The following USP7 variants were observed in gnomAD, a reference collection of about 807,000 sequenced individuals.
USP7 encodes ubiquitin C-terminal hydrolase 7.
Under a neutral mutation model 162.9 loss-of-function variants are expected in USP7, and 9 were observed. The observed-to-expected ratio is 0.06, with a 90% CI of 0.03 to 0.10. The LOEUF (loss-of-function observed/expected upper bound fraction) is 0.10. Ranked by LOEUF, USP7 falls within the 10% of genes least tolerant of loss-of-function variation. USP7 has a pLI of 1.00. For missense variants in USP7, 715 were observed against 1,373.7 expected, an observed-to-expected ratio of 0.52 and a Z score of 7.58; for synonymous variants, 562 against 475.9, an observed-to-expected ratio of 1.18 and a Z score of -2.35.
chr16:8,943,031 T>A (rs551821368), intron 1 of USP7, among the ~76,000 whole-genome samples: 1 of 152,150 alleles, frequency 6.6e-6, no homozygotes, highest in Non-Finnish European at 1.5e-5. Flanking sequence ...GGAGCCTGAG[T>A]GTTCAAAGTG....
rs188091170 is a variant in USP7, at chr16:8,904,788, A to T, written c.1574-223T>A. On this transcript the variant is annotated intron_variant, in intron 14 of 30. Coordinates refer to ENST00000344836, the MANE Select transcript of USP7 (RefSeq NM_003470.3). The stretch of plus-strand genomic sequence containing the variant: ...AAACCCCATCTCTACTACTAAAAAA[A>T]AAAATAAAATAAAAATAAAATAAAA... Among the ~76,000 whole-genome samples the T allele has an allele frequency of 4.5e-3, 679 of 151,604 alleles. 5 individuals are homozygous for T. Among genetic ancestry groups the T allele is most frequent in the African/African-American group, 0.014 (586 of 41,426 alleles).
At chr16:8,956,776 CAA>C (rs375578803) in intron 1 of USP7, among the ~76,000 whole-genome samples, 4 of 147,654 alleles carry the variant, frequency 2.7e-5, no homozygotes, top group African/African-American at 7.6e-5. Flanking sequence ...AAAACAAAAA[CAA>C]AAAAAAAAAA....
chr16:8,899,574 C>G (rs747261595), intron 22 of USP7, 30 bp downstream of exon 22: 3 of 1,608,706 alleles, frequency 1.9e-6, no homozygotes, highest in African/African-American at 2.7e-5. Context: ...GGAGTGGGAT[C>G]TGAAGAGGAA....
intron 21 of USP7, 121 bp downstream of exon 21, chr16:8,900,409 A>G: frequency 1.6e-6 from 1 of 632,640 alleles, no homozygotes; most frequent in Non-Finnish European, 2.6e-6. Flanking sequence ...CAACAGTTAC[A>G]TTAAAAAAAA....
intron 1 of USP7, among the ~76,000 whole-genome samples, chr16:8,945,650 T>C (rs1899243952): frequency 6.6e-6 from 1 of 152,118 alleles, no homozygotes; most frequent in Admixed American, 6.6e-5. Context: ...AATCCATACA[T>C]TTAAACACAG....
chr16:8,933,171 C>G (rs997939021), intron 1 of USP7, among the ~76,000 whole-genome samples: 3 of 152,116 alleles, frequency 2.0e-5, no homozygotes, highest in Non-Finnish European at 4.4e-5. Flanking sequence ...AACTCCTGAC[C>G]TCAAGTGATC....
At chr16:8,942,134 G>A (rs1899073089) in intron 1 of USP7, among the ~76,000 whole-genome samples, 1 of 152,346 alleles carries the variant, frequency 6.6e-6, no homozygotes, top group South Asian at 2.1e-4. Flanking sequence ...AGGTGGGCAG[G>A]GCCAAAGCTA....
chr16:8,962,482 A>G (rs1190477905), intron 1 of USP7: 1 of 450,764 alleles, frequency 2.2e-6, no homozygotes. Context: ...TTACCTTTCG[A>G]GTCAGGTTTG....
At chr16:8,906,318 A>T (rs2061859642) in intron 13 of USP7, 108 bp downstream of exon 13, 1 of 1,284,628 alleles carries the variant, frequency 7.8e-7, no homozygotes, top group Admixed American at 2.4e-5. Flanking sequence ...TACATAGATC[A>T]GTTAGGGGTC....
In USP7 at chr16:8,911,530, C is replaced by A. The variant is rs141030462; in HGVS notation, c.1079-703G>T. 4.3e-3 allele frequency among the ~76,000 whole-genome samples: 658 copies of A among 152,348 alleles called. 6 individuals carry two copies. The highest frequency in any genetic ancestry group is 0.015 in the African/African-American group (619 of 41,574). On this transcript the variant is annotated intron_variant, in intron 10 of 30. Coordinates refer to ENST00000344836, the MANE Select transcript of USP7 (RefSeq NM_003470.3). ...ATGAAGGAAAAACGCAACTGCACAACACTGAAAACAGCGCTGTCACGCTCC... is the reference window on the plus strand; with the variant it reads ...ATGAAGGAAAAACGCAACTGCACAAAACTGAAAACAGCGCTGTCACGCTCC...
At chr16:8,942,816 G>C (rs768871695) in intron 1 of USP7, among the ~76,000 whole-genome samples, 1 of 152,144 alleles carries the variant, frequency 6.6e-6, no homozygotes, top group Non-Finnish European at 1.5e-5. Flanking sequence ...CAAAAGTGTT[G>C]GGGTTACAGA....
intron 15 of USP7, among the ~76,000 whole-genome samples, chr16:8,903,614 T>C (rs1567211765): frequency 6.6e-6 from 1 of 152,088 alleles, no homozygotes; most frequent in Non-Finnish European, 1.5e-5. Flanking sequence ...GCACGGTGGC[T>C]CATGCACTTT....
intron 13 of USP7, among the ~76,000 whole-genome samples, chr16:8,906,101 A>G (rs1424912542): frequency 6.6e-6 from 1 of 152,250 alleles, no homozygotes; most frequent in Non-Finnish European, 1.5e-5. Flanking sequence ...ACATGCGACC[A>G]GCCAGCCTCC....
chr16:8,898,050 G>A (rs547735750), intron 25 of USP7, among the ~76,000 whole-genome samples: 2 of 152,192 alleles, frequency 1.3e-5, no homozygotes, highest in East Asian at 1.9e-4. Flanking sequence ...AGATCAGGCC[G>A]CGGCAGGAAG....
chr16:8,948,368 A>G lies in USP7; in HGVS notation c.79+14839T>C, dbSNP rs576076407. ...TGACTAATTTTTGGCATTTTTTTGTAGAGACGAGTTTTCACCATGTTGCCC... is the reference window on the plus strand; with the variant it reads ...TGACTAATTTTTGGCATTTTTTTGTGGAGACGAGTTTTCACCATGTTGCCC... On this transcript the variant is annotated intron_variant, in intron 1 of 30. Coordinates refer to ENST00000344836, the MANE Select transcript of USP7 (RefSeq NM_003470.3). Among the ~76,000 whole-genome samples, 3 of 152,224 alleles carry G rather than the reference A, an allele frequency of 2.0e-5. No homozygotes were observed. The East Asian group carries it at 5.8e-4, about 29-fold the overall frequency.
intron 25 of USP7, among the ~76,000 whole-genome samples, chr16:8,897,712 A>ATATAT (rs1567206400): frequency 3.1e-4 from 12 of 39,224 alleles, no homozygotes; most frequent in Non-Finnish European, 5.1e-4. Context: ...AAAAAAAAAA[A>ATATAT]AAAAAAAAAA....
At chr16:8,956,531 G>A (rs576757319) in intron 1 of USP7, among the ~76,000 whole-genome samples, 1 of 152,314 alleles carries the variant, frequency 6.6e-6, no homozygotes, top group East Asian at 1.9e-4. Context: ...TTGGGAGGCG[G>A]AGGCGGGCAG....
intron 2 of USP7, among the ~76,000 whole-genome samples, chr16:8,927,623 G>A (rs1227130924): frequency 6.6e-6 from 1 of 151,990 alleles, no homozygotes; most frequent in African/African-American, 2.4e-5. Flanking sequence ...ATCACCTGAG[G>A]TCAGGTGTTC....
At chr16:8,906,853 AG>A (rs1474578716) in intron 12 of USP7, among the ~76,000 whole-genome samples, 1 of 152,264 alleles carries the variant, frequency 6.6e-6, no homozygotes, top group African/African-American at 2.4e-5. Context: ...AAGACTACTA[AG>A]GATATCTGCA....
Sources: allele counts gnomAD v4.1 joint callset (sites outside exome capture counted in the v4.1 genomes callset), GRCh38; gene constraint gnomAD v4.1.1; transcripts MANE v1.5; gene names NCBI Gene and HGNC (gene_info 2026-07-23, HGNC 2026-07-21).